Variants in VPS35L observed in about 807,000 individuals in gnomAD.
VPS35L encodes the protein VPS35 endosomal protein-sorting factor-like.
VPS35L carries 83 observed loss-of-function variants against 133.0 expected under a neutral mutation model. The ratio of observed to expected loss-of-function variants is 0.62; its 90% confidence interval spans 0.52 to 0.75. The LOEUF (loss-of-function observed/expected upper bound fraction) is 0.75. Ranked by LOEUF, VPS35L falls within the 30% of genes least tolerant of loss-of-function variation. The pLI is 0.00. For missense variants in VPS35L, 1,083 were observed against 1,206.8 expected (o/e 0.90, Z 1.52); for synonymous variants, 423 against 449.9 (o/e 0.94, Z 0.76).
At position 19,589,995 on chromosome 16, in the gene VPS35L, A is replaced by G. The variant is rs1251115358; in HGVS notation, c.640-1795A>G. Among the ~76,000 whole-genome samples, 3 of 152,262 alleles carry G rather than the reference A, an allele frequency of 2.0e-5. No individual in the cohort carries two copies. The East Asian group carries it at 5.8e-4, about 29-fold the overall frequency. ...TAGCTTTTTCCAGCCTTGAAATCTC[A>G]TGGGGGCAGCTGTTTAAGTTGGAAC... On this transcript the variant is annotated intron_variant, in intron 7 of 30. Coordinates refer to ENST00000417362, the MANE Select transcript of VPS35L (RefSeq NM_020314.7).
intron 26 of VPS35L, chr16:19,652,450 C>T (rs567911080): frequency 1.5e-5 from 3 of 200,166 alleles, no homozygotes; most frequent in Admixed American, 5.5e-5. Flanking sequence ...TCCCAAAGTG[C>T]TGGGGTTACA....
At chr16:19,628,775 A>G in intron 17 of VPS35L, 22 bp downstream of exon 17, 2 of 951,526 alleles carry the variant, frequency 2.1e-6, no homozygotes, top group Admixed American at 3.5e-5. Context: ...TTTTATTTTT[A>G]TTTTTATTTA....
At chr16:19,642,503 A>C in intron 22 of VPS35L, 27 bp downstream of exon 22, 1 of 1,595,374 alleles carries the variant, frequency 6.3e-7, no homozygotes, top group Non-Finnish European at 8.6e-7. Context: ...GCTGAAATAT[A>C]ACATGGATTG....
At chr16:19,599,971 G>T (rs1251022047) in intron 8 of VPS35L, among the ~76,000 whole-genome samples, 1 of 152,184 alleles carries the variant, frequency 6.6e-6, no homozygotes, top group Admixed American at 6.5e-5. Flanking sequence ...AACCCAGGAG[G>T]TGGAGGCCGT....
At chr16:19,691,569 CATGTGAGTA>C in intron 29 of VPS35L, 98 bp downstream of exon 29, 1 of 895,158 alleles carries the variant, frequency 1.1e-6, no homozygotes, top group Non-Finnish European at 1.8e-6. Context: ...GAAACTATGT[CATGTGAGTA>C]ATGTGTTTAT....
At chr16:19,565,364 A>G (rs1052690981) in intron 2 of VPS35L, among the ~76,000 whole-genome samples, 4 of 142,366 alleles carry the variant, frequency 2.8e-5, no homozygotes, top group Non-Finnish European at 6.1e-5. Flanking sequence ...TATTTTTGAG[A>G]TGGAGTTTCA....
rs568777542 is a variant in VPS35L at position 19,693,809 on chromosome 16, C to A, written c.2646+2338C>A. ...AGAAAAAAATTTTAAATTACCCGGG[C>A]GTGGTGGTGAGTGCCTGTAGTCCCA... is the stretch of plus-strand genomic sequence containing the variant. On this transcript the variant is annotated intron_variant, in intron 29 of 30. Coordinates refer to ENST00000417362, the MANE Select transcript of VPS35L (RefSeq NM_020314.7). Among the ~76,000 whole-genome samples, 447 of 147,570 alleles carry A rather than the reference C, an allele frequency of 3.0e-3. 5 individuals are homozygous for A. Among genetic ancestry groups the A allele is most frequent in the Non-Finnish European group, 1.6e-3 (109 of 66,762 alleles).
intron 6 of VPS35L, 37 bp from the exon 7 acceptor site, chr16:19,581,488 T>C (rs1971706551): frequency 1.3e-6 from 2 of 1,507,582 alleles, no homozygotes; most frequent in Non-Finnish European, 1.8e-6. Context: ...GCAATGTTTT[T>C]CCTGCTATGC....
chr16:19,658,295 C>T (rs1974369334), intron 26 of VPS35L, among the ~76,000 whole-genome samples: 1 of 152,016 alleles, frequency 6.6e-6, no homozygotes, highest in Non-Finnish European at 1.5e-5. Context: ...TTTGGGAGGC[C>T]GAAGTGGATG....
chr16:19,661,334 C>A (rs1024393726), intron 26 of VPS35L, among the ~76,000 whole-genome samples: 1 of 152,096 alleles, frequency 6.6e-6, no homozygotes, highest in Non-Finnish European at 1.5e-5. Context: ...TTTGCTCTGG[C>A]AGACAATAAA....
In VPS35L at chr16:19,690,807, T is replaced by TA. The variant is rs534630057; in HGVS notation, c.2528-539dup. Reference sequence around the variant, plus strand: ...CTCTATTAAAAATAAAAGAATAAATTAAAAAAATAGCCAGGCGTGCTGGCA... The same window carrying TA: ...CTCTATTAAAAATAAAAGAATAAATTAAAAAAAATAGCCAGGCGTGCTGGCA... On this transcript the variant is annotated intron_variant, in intron 28 of 30. Transcript: ENST00000417362. Among the ~76,000 whole-genome samples the TA allele has an allele frequency of 5.3e-5, 8 of 151,248 alleles. No individual in the cohort carries two copies. In the East Asian group the frequency reaches 1.4e-3, roughly 26 times the overall value.
intron 7 of VPS35L, 155 bp downstream of exon 7, chr16:19,581,808 A>C (rs1971719473): frequency 1.1e-6 from 1 of 942,366 alleles, no homozygotes; most frequent in African/African-American, 1.7e-5. Flanking sequence ...CATGATTATG[A>C]ATCTGTGTTT....
At chr16:19,644,664 G>A (rs1019158919) in intron 22 of VPS35L, among the ~76,000 whole-genome samples, 19 of 152,302 alleles carry the variant, frequency 1.2e-4, no homozygotes, top group African/African-American at 4.3e-4. Flanking sequence ...AATCTATCTT[G>A]AGAACAGCAT....
At position 19,575,084 on chromosome 16, in the gene VPS35L, T is replaced by G; in HGVS notation, c.409-14T>G. The G allele has an allele frequency of 6.3e-7, 1 of 1,595,196 alleles. No individual in the cohort carries two copies. Among genetic ancestry groups the G allele is most frequent in the Non-Finnish European group, 8.6e-7 (1 of 1,168,696 alleles). ...TCGATTTTTAAAATATTAATGAATT[T>G]TATGTCTCTGCAGAATCTGTTTATG... is the stretch of plus-strand genomic sequence containing the variant. On this transcript the variant is annotated splice_polypyrimidine_tract_variant and intron_variant, in intron 4 of 30. Transcript: ENST00000417362.
At chr16:19,625,914 T>G (rs1045921815) in intron 14 of VPS35L, among the ~76,000 whole-genome samples, 1 of 152,122 alleles carries the variant, frequency 6.6e-6, no homozygotes, top group Admixed American at 6.5e-5. Context: ...CCTCAAGTGA[T>G]CCACCTGCCT....
chr16:19,609,037 A>G lies in VPS35L; in HGVS notation c.929+16A>G, dbSNP rs1424339979. ...TCTCCAAAACGTAAGGCTCTTCGGT[A>G]AAATCTAGAACCATAAAATTTCTAA... On this transcript the variant is annotated intron_variant, in intron 11 of 30. Coordinates refer to ENST00000417362, the MANE Select transcript of VPS35L (RefSeq NM_020314.7). 6.2e-7 allele frequency: 1 copy of G among 1,610,196 alleles called. No individual in the cohort carries two copies. Among genetic ancestry groups the G allele is most frequent in the East Asian group, 2.2e-5 (1 of 44,860 alleles).
At chr16:19,568,240 T>G (rs1971248185) in intron 2 of VPS35L, among the ~76,000 whole-genome samples, 1 of 151,760 alleles carries the variant, frequency 6.6e-6, no homozygotes, top group African/African-American at 2.4e-5. Flanking sequence ...AGAGCTTTCA[T>G]GTCCCCTCCA....
intron 28 of VPS35L, among the ~76,000 whole-genome samples, chr16:19,691,107 C>T (rs867816006): frequency 3.3e-5 from 5 of 152,196 alleles, no homozygotes; most frequent in East Asian, 1.9e-4. Flanking sequence ...CCCCGCTCCC[C>T]GCCACGCACA....
chr16:19,697,665 T>C (rs752480076), intron 29 of VPS35L, among the ~76,000 whole-genome samples: 57 of 151,362 alleles, frequency 3.8e-4, no homozygotes, highest in Admixed American at 7.3e-4. Flanking sequence ...CCGAGAGTAG[T>C]TGAGAAAAGC....
Sources: allele counts gnomAD v4.1 joint callset (sites outside exome capture counted in the v4.1 genomes callset), GRCh38; gene constraint gnomAD v4.1.1; transcripts MANE v1.5; gene names NCBI Gene and HGNC (gene_info 2026-07-23, HGNC 2026-07-21).